Variants in RALYL observed in about 807,000 individuals in gnomAD.
RALYL encodes RALY RNA binding protein like, also known as RNA-binding Raly-like protein.
RALYL carries 29 observed loss-of-function variants against 35.1 expected under a neutral mutation model. The observed-to-expected ratio is 0.83, with a 90% CI of 0.61 to 1.13. The LOEUF (loss-of-function observed/expected upper bound fraction) is 1.13, where lower values mean the gene tolerates loss of function less well. Ranked by LOEUF, RALYL falls within the 50% of genes most tolerant of loss-of-function variation. The pLI is 0.00. For synonymous variants in RALYL, 120 were observed against 127.6 expected, an observed-to-expected ratio of 0.94 and a Z score of 0.40; for missense variants, 359 against 360.4, an observed-to-expected ratio of 1.00 and a Z score of 0.03.
At chr8:84,675,209 C>T (rs1833960207) in intron 2 of RALYL, among the ~76,000 whole-genome samples, 2 of 152,048 alleles carry the variant, frequency 1.3e-5, no homozygotes, top group African/African-American at 4.8e-5. Context: ...GAATTTTTCA[C>T]TAAACTTTTA....
At chr8:84,346,696 T>C (rs188130536) in intron 1 of RALYL, among the ~76,000 whole-genome samples, 8 of 152,240 alleles carry the variant, frequency 5.3e-5, no homozygotes, top group Admixed American at 2.0e-4. Flanking sequence ...CTCAAACTCC[T>C]AATTTCAGGT....
At chr8:84,891,010 A>G (rs1843754157) in intron 8 of RALYL, among the ~76,000 whole-genome samples, 1 of 152,172 alleles carries the variant, frequency 6.6e-6, no homozygotes, top group Admixed American at 6.5e-5. Flanking sequence ...GAGGAACTAA[A>G]TGAATAAAAG....
chr8:84,298,129 T>C (rs948708897), intron 1 of RALYL, among the ~76,000 whole-genome samples: 2 of 151,930 alleles, frequency 1.3e-5, no homozygotes, highest in African/African-American at 4.8e-5. Flanking sequence ...TTCAGAGTGG[T>C]ATTTCCTAGT....
chr8:84,869,009 A>T (rs1334875864), intron 6 of RALYL, among the ~76,000 whole-genome samples: 1 of 149,872 alleles, frequency 6.7e-6, no homozygotes, highest in Non-Finnish European at 1.5e-5. Flanking sequence ...TTATTATAGG[A>T]TATTTATATA....
chr8:84,380,120 G>A (rs16912753), intron 1 of RALYL, among the ~76,000 whole-genome samples: 4,451 of 151,296 alleles, frequency 0.029, 207 homozygotes, highest in African/African-American at 0.1. Context: ...AAGAGCATGC[G>A]TTTTGGTTTC....
At chr8:84,621,287 A>G (rs567793631) in intron 2 of RALYL, among the ~76,000 whole-genome samples, 9 of 152,288 alleles carry the variant, frequency 5.9e-5, no homozygotes, top group Non-Finnish European at 7.3e-5. Flanking sequence ...GGTGCAGGAT[A>G]TAATCTCGTG....
At position 84,898,620 on chromosome 8, in the gene RALYL, A is replaced by C. The variant is rs116988315; in HGVS notation, c.858+10844A>C. Reference sequence around the variant, plus strand: ...TAAAACCACAATAAGGTAACACTGCACACCCTCACTCAGACTGACCAAAAT... The same window carrying C: ...TAAAACCACAATAAGGTAACACTGCCCACCCTCACTCAGACTGACCAAAAT... On this transcript the variant is annotated intron_variant, in intron 8 of 8. Coordinates refer to ENST00000521268, the MANE Select transcript of RALYL (RefSeq NM_173848.7). 3.6e-3 allele frequency among the ~76,000 whole-genome samples: 551 copies of C among 152,286 alleles called. 2 individuals are homozygous for C. The highest frequency in any genetic ancestry group is 6.0e-3 in the Admixed American group (91 of 15,290).
chr8:84,584,872 C>A (rs1190781649), intron 2 of RALYL, among the ~76,000 whole-genome samples: 1 of 152,176 alleles, frequency 6.6e-6, no homozygotes, highest in Non-Finnish European at 1.5e-5. Context: ...TCCATCTCTT[C>A]ATATCTTCTT....
intron 1 of RALYL, among the ~76,000 whole-genome samples, chr8:84,321,346 C>A (rs1372122818): frequency 1.3e-5 from 2 of 152,014 alleles, no homozygotes; most frequent in African/African-American, 4.8e-5. Flanking sequence ...GGGCAGACTG[C>A]CATGCTGAAA....
intron 1 of RALYL, among the ~76,000 whole-genome samples, chr8:84,278,097 C>G (rs992989795): frequency 6.6e-6 from 1 of 152,242 alleles, no homozygotes; most frequent in Non-Finnish European, 1.5e-5. Context: ...GACCCTGCCC[C>G]TGCAGCAAAC....
At chr8:84,697,323 A>G (rs1839342879) in intron 2 of RALYL, among the ~76,000 whole-genome samples, 1 of 152,028 alleles carries the variant, frequency 6.6e-6, no homozygotes, top group East Asian at 1.9e-4. Flanking sequence ...ACTATGAATA[A>G]ATCTTCTTAA....
chr8:84,203,717 A>C (rs569794398), intron 1 of RALYL, among the ~76,000 whole-genome samples: 2 of 152,172 alleles, frequency 1.3e-5, no homozygotes, highest in Admixed American at 1.3e-4. Context: ...TACAGAACAC[A>C]CACTGCATTT....
At chr8:84,758,265 G>A (rs1355375192) in intron 2 of RALYL, among the ~76,000 whole-genome samples, 1 of 152,118 alleles carries the variant, frequency 6.6e-6, no homozygotes, top group African/African-American at 2.4e-5. Flanking sequence ...AGTTTATTTG[G>A]TGGAAAGGAG....
chr8:84,269,169 T>C (rs961820176), intron 1 of RALYL, among the ~76,000 whole-genome samples: 6 of 152,188 alleles, frequency 3.9e-5, no homozygotes, highest in Non-Finnish European at 8.8e-5. Flanking sequence ...TTTTACACTA[T>C]TGAAATTATA....
rs190308040 is a variant in RALYL at position 84,867,541 on chromosome 8, C to T, written c.571+5088C>T. Among the ~76,000 whole-genome samples, 55 of 152,232 alleles carry T rather than the reference C, an allele frequency of 3.6e-4. 1 individual carries two copies. In the South Asian group the frequency reaches 0.01, roughly 28 times the overall value. ...TAGTTACAGAATATGTTGCATCAGT[C>T]GGTGAAACAAGGGGACAAATTCTGG... On this transcript the variant is annotated intron_variant, in intron 6 of 8. Transcript: ENST00000521268.
chr8:84,907,068 T>C (rs1846622667), intron 8 of RALYL: 1 of 618,508 alleles, frequency 1.6e-6, no homozygotes, highest in Non-Finnish European at 2.0e-6. Flanking sequence ...GGAAACCTTA[T>C]GCATATTTGA....
chr8:84,243,284 G>GTTT (rs1828361508), intron 1 of RALYL, among the ~76,000 whole-genome samples: 1 of 151,850 alleles, frequency 6.6e-6, no homozygotes, highest in African/African-American at 2.4e-5. Context: ...TGTTGTTGTT[G>GTTT]TTTCTTATGA....
rs113534198 is a variant in RALYL, at chr8:84,282,796, T to G, written c.-24+98372T>G. Among the ~76,000 whole-genome samples the G allele has an allele frequency of 2.9e-3, 445 of 151,492 alleles. 1 individual carries two copies. Among genetic ancestry groups the G allele is most frequent in the Non-Finnish European group, 4.7e-3 (320 of 67,738 alleles). On this transcript the variant is annotated intron_variant, in intron 1 of 8. Coordinates refer to ENST00000521268, the MANE Select transcript of RALYL (RefSeq NM_173848.7). The stretch of plus-strand genomic sequence containing the variant: ...TGTGTGTGTATACATATATATAATT[T>G]AGATCTATAAAATCAGTTGAGTATA...
chr8:84,621,827 G>A (rs1821575436), intron 2 of RALYL, among the ~76,000 whole-genome samples: 1 of 152,160 alleles, frequency 6.6e-6, no homozygotes, highest in Non-Finnish European at 1.5e-5. Context: ...TTATGAATAT[G>A]TATAATGTCA....
Sources: gnomAD v4.1 joint callset for allele counts (sites outside exome capture counted in the v4.1 genomes callset) on GRCh38, gnomAD v4.1.1 for gene constraint, MANE v1.5 for transcripts, NCBI Gene and HGNC (gene_info 2026-07-23, HGNC 2026-07-21) for gene names.